Variants in MACF1 observed in about 807,000 individuals in gnomAD.
MACF1 encodes the protein microtubule actin crosslinking factor 1, also known as microtubule-actin cross-linking factor 1.
MACF1 carries 193 observed loss-of-function variants against 854.8 expected under a neutral mutation model. The ratio of observed to expected loss-of-function variants is 0.23; its 90% CI spans 0.20 to 0.25. The LOEUF is 0.25. Ranked by LOEUF, MACF1 falls within the 10% of genes least tolerant of loss-of-function variation. The pLI, the probability that MACF1 is intolerant of heterozygous loss-of-function variation, is 1.00. For synonymous variants in MACF1, 3,185 were observed against 3,226.7 expected, an observed-to-expected ratio of 0.99 and a Z score of 0.44; for missense variants, 7,722 against 8,929.1, an observed-to-expected ratio of 0.86 and a Z score of 5.45.
rs759151169 is a variant in MACF1, at chr1:39,447,458, G to A, written c.19632G>A (p.Leu6544=). 6 of 1,614,008 alleles carry A rather than the reference G, an allele frequency of 3.7e-6. No individual in the cohort carries two copies. Among genetic ancestry groups the A allele is most frequent in the Non-Finnish European group, 5.1e-6 (6 of 1,179,996 alleles). The part of the protein sequence containing the change: ...RKSKLEEALN[L]ATEFQNSLQE... ...CAAAGCTGGAAGAGGCCCTCAACTT[G>A]GCAACAGAATTCCAGAATTCCCTAC... Residue 6544 remains leucine (L), a synonymous_variant, in exon 81 of 101, where the codon TTG becomes TTA. Transcript: ENST00000564288.
chr1:39,389,357 T>G (rs1641937710), intron 58 of MACF1, among the ~76,000 whole-genome samples: 2 of 117,848 alleles, frequency 1.7e-5, no homozygotes, highest in East Asian at 4.9e-4. Flanking sequence ...GTGTGTTTTT[T>G]TTTTTTTTTT....
chr1:39,235,803 T>G (rs1644854577), intron 2 of MACF1, among the ~76,000 whole-genome samples: 1 of 152,194 alleles, frequency 6.6e-6, no homozygotes, highest in Non-Finnish European at 1.5e-5. Flanking sequence ...GGTACAATCA[T>G]AGCTCACTAC....
At chr1:39,309,472 C>A in intron 23 of MACF1, 98 bp from the exon 24 acceptor site, 1 of 1,421,818 alleles carries the variant, frequency 7.0e-7, no homozygotes, top group Non-Finnish European at 9.7e-7. Flanking sequence ...AACATATAAG[C>A]TCAATTCTGC....
chr1:39,412,554 G>A, intron 58 of MACF1: 1 of 1,614,028 alleles, frequency 6.2e-7, no homozygotes, highest in Non-Finnish European at 8.5e-7. Context: ...TTCTGAGTCT[G>A]CACCTGCTGG....
intron 2 of MACF1, among the ~76,000 whole-genome samples, chr1:39,174,258 G>C (rs1212453204): frequency 6.6e-6 from 1 of 152,136 alleles, no homozygotes; most frequent in Non-Finnish European, 1.5e-5. Flanking sequence ...CTTTAGGCTA[G>C]AGTTTTGCAA....
At chr1:39,163,372 A>G (rs1432418062) in intron 2 of MACF1, among the ~76,000 whole-genome samples, 1 of 151,238 alleles carries the variant, frequency 6.6e-6, no homozygotes, top group African/African-American at 2.4e-5. Flanking sequence ...AAAAGAAAAG[A>G]AAAAAAGAAA....
chr1:39,150,365 G>A (rs1643554295), intron 2 of MACF1, among the ~76,000 whole-genome samples: 1 of 152,138 alleles, frequency 6.6e-6, no homozygotes, highest in Non-Finnish European at 1.5e-5. Context: ...ATTTTGCACA[G>A]TGTCAAAAAA....
intron 51 of MACF1, among the ~76,000 whole-genome samples, chr1:39,371,036 A>G (rs1200589748): frequency 6.6e-6 from 1 of 152,122 alleles, no homozygotes. Flanking sequence ...AGAGTGATTA[A>G]TGGCCAGGCG....
chr1:39,263,321 T>C (rs1645186904), intron 6 of MACF1, among the ~76,000 whole-genome samples: 1 of 152,214 alleles, frequency 6.6e-6, no homozygotes, highest in East Asian at 1.9e-4. Flanking sequence ...GCTGGTAATA[T>C]TGATAACTTC....
At chr1:39,424,876 T>C (rs901464994) in intron 61 of MACF1, among the ~76,000 whole-genome samples, 2 of 152,232 alleles carry the variant, frequency 1.3e-5, no homozygotes, top group Non-Finnish European at 2.9e-5. Flanking sequence ...TCATTTGTTA[T>C]TGTATCCTTT....
chr1:39,481,022 AC>A lies in MACF1; in HGVS notation c.22278del (p.Glu7427ArgfsTer10). 1 of 1,548,778 alleles carries A rather than the reference AC, an allele frequency of 6.5e-7. No individual in the cohort carries two copies. Among genetic ancestry groups the A allele is most frequent in the Non-Finnish European group, 8.7e-7 (1 of 1,145,478 alleles). On this transcript the variant is annotated frameshift_variant, in exon 99 of 101. Coordinates refer to ENST00000564288, the MANE Select transcript of MACF1 (RefSeq NM_001394062.1). LOFTEE classifies it high-confidence loss of function. ...DSHSPDLQLP[T>X]PEVIPSSGSK... Reference sequence around the variant, plus strand: ...CCATTCTCCTGACCTCCAGCTGCCCACCCCCGAGGTAGAGTATGGCTTTGCT... The same window carrying A: ...CCATTCTCCTGACCTCCAGCTGCCCACCCCGAGGTAGAGTATGGCTTTGCT...
chr1:39,107,776 G>A (rs990191716), intron 2 of MACF1, among the ~76,000 whole-genome samples: 5 of 152,166 alleles, frequency 3.3e-5, no homozygotes, highest in Non-Finnish European at 7.3e-5. Flanking sequence ...ATTGATGATG[G>A]TGGGGTGTTC....
intron 2 of MACF1, among the ~76,000 whole-genome samples, chr1:39,124,135 C>G (rs1642802565): frequency 6.6e-6 from 1 of 151,836 alleles, no homozygotes; most frequent in East Asian, 1.9e-4. Context: ...ATCCGCCCAC[C>G]TTGGCCTCCC....
intron 52 of MACF1, among the ~76,000 whole-genome samples, chr1:39,375,767 G>T (rs1181967842): frequency 6.6e-6 from 1 of 152,212 alleles, no homozygotes; most frequent in African/African-American, 2.4e-5. Context: ...GATGTAATAA[G>T]AAATTATTGT....
chr1:39,452,486 T>A, intron 86 of MACF1, 136 bp downstream of exon 86: 1 of 1,110,590 alleles, frequency 9.0e-7, no homozygotes, highest in East Asian at 2.4e-5. Flanking sequence ...GAATGTTCTA[T>A]AAAATTTTAA....
Position 39,440,076 on chromosome 1 carries a change from TTTTTC to T in MACF1, c.18447+611_18447+615del, listed in dbSNP as rs752417043. Among the ~76,000 whole-genome samples the T allele has an allele frequency of 2.3e-3, 294 of 127,640 alleles. 3 individuals carry two copies. Among genetic ancestry groups the T allele is most frequent in the African/African-American group, 5.5e-3 (165 of 29,998 alleles). 83.7% of individuals were successfully genotyped at this position (127,640 alleles called of 152,430 possible). A position where few individuals can be genotyped will look rare whatever the true frequency, so the allele number is the denominator to read the frequency against. ...TACTTTTTTCTAGTTTTTGGTGCTATTTTTCTTTTCTTTTCTTTTCTTTTCTTTTC... is the reference window on the plus strand; with the variant it reads ...TACTTTTTTCTAGTTTTTGGTGCTATTTTTCTTTTCTTTTCTTTTCTTTTC... On this transcript the variant is annotated intron_variant, in intron 72 of 100. Coordinates refer to ENST00000564288, the MANE Select transcript of MACF1 (RefSeq NM_001394062.1).
At chr1:39,324,968 G>C (rs1471230366) in intron 35 of MACF1, among the ~76,000 whole-genome samples, 2 of 152,230 alleles carry the variant, frequency 1.3e-5, no homozygotes, top group African/African-American at 4.8e-5. Flanking sequence ...ATGAAGAAAG[G>C]ATTGACATGT....
chr1:39,443,646 A>G (rs1471563982), intron 79 of MACF1, 72 bp downstream of exon 79: 3 of 1,428,596 alleles, frequency 2.1e-6, no homozygotes, highest in Non-Finnish European at 2.8e-6. Context: ...TCACAGTCAT[A>G]ATTAATATGT....
intron 88 of MACF1, 118 bp downstream of exon 88, chr1:39,453,968 ATTAAG>A: frequency 8.0e-7 from 1 of 1,246,722 alleles, no homozygotes; most frequent in Non-Finnish European, 1.1e-6. Flanking sequence ...CTCAGCAAAA[ATTAAG>A]TTAACATTTT....
Sources: allele counts gnomAD v4.1 joint callset (sites outside exome capture counted in the v4.1 genomes callset), GRCh38; gene constraint gnomAD v4.1.1; transcripts MANE v1.5; gene names NCBI Gene and HGNC (gene_info 2026-07-23, HGNC 2026-07-21).